HNRNPA2B1: variants seen among roughly 807,000 people sequenced by gnomAD.
The protein encoded by HNRNPA2B1 is heterogeneous nuclear ribonucleoproteins A2/B1.
HNRNPA2B1 carries 3 observed loss-of-function variants against 46.3 expected under a neutral mutation model. The observed-to-expected ratio is 0.06, with a 90% CI of 0.03 to 0.17. The LOEUF (loss-of-function observed/expected upper bound fraction) is 0.17, where lower values mean the gene tolerates loss of function less well. HNRNPA2B1 is among the 10% of genes least tolerant of loss of function. HNRNPA2B1 has a pLI of 1.00. For missense variants in HNRNPA2B1, 221 were observed against 418.9 expected (o/e 0.53, Z 4.12); for synonymous variants, 225 against 133.8 (o/e 1.68, Z -4.70).
At chr7:26,200,373 CG>C (rs1784284776) in intron 1 of HNRNPA2B1, 198 bp downstream of exon 1, 1 of 647,946 alleles carries the variant, frequency 1.5e-6, no homozygotes, top group African/African-American at 1.8e-5. Flanking sequence ...GAAATGGCGC[CG>C]GGAGGCTGAG....
chr7:26,189,969 A>C lies in HNRNPA2B1; in HGVS notation c.*2391T>G, dbSNP rs989511204. ...AGCATTTTATTGGGGACAGCCAATA[A>C]TGTCCACAATGCTCTTCTCATTTAC... is the stretch of plus-strand genomic sequence containing the variant. On this transcript the variant is annotated 3_prime_UTR_variant, in exon 11 of 11. Transcript: ENST00000618183. 6.6e-6 allele frequency: 1 copy of C among 152,244 alleles called. No homozygotes were observed. Among genetic ancestry groups the C allele is most frequent in the South Asian group, 2.1e-4 (1 of 4,834 alleles). The allele number at this position is 152,244 out of a possible 1,614,324, so 9.4% of individuals were successfully genotyped here.
At chr7:26,194,575 C>G (rs1049793191) in intron 7 of HNRNPA2B1, among the ~76,000 whole-genome samples, 1 of 151,544 alleles carries the variant, frequency 6.6e-6, no homozygotes, top group African/African-American at 2.4e-5. Context: ...GGTGGCACAC[C>G]CCGTAGTTCC....
chr7:26,196,013 C>T (rs1412608245), intron 6 of HNRNPA2B1, 104 bp from the exon 7 acceptor site: 3 of 1,428,516 alleles, frequency 2.1e-6, no homozygotes, highest in Non-Finnish European at 2.8e-6. Context: ...AATTAAGAAC[C>T]GCAGAAAAGG....
chr7:26,196,292 C>A, intron 6 of HNRNPA2B1, 109 bp downstream of exon 6: 1 of 877,548 alleles, frequency 1.1e-6, no homozygotes, highest in South Asian at 1.7e-5. Context: ...TATTTGAAGT[C>A]TTAGGAAAAT....
chr7:26,196,778 A>G, intron 4 of HNRNPA2B1, 29 bp downstream of exon 4: 1 of 1,598,674 alleles, frequency 6.3e-7, no homozygotes, highest in Non-Finnish European at 8.6e-7. Flanking sequence ...CACTGGAAAA[A>G]AACAGTACAT....
intron 6 of HNRNPA2B1, among the ~76,000 whole-genome samples, 158 bp from the exon 7 acceptor site, chr7:26,196,067 T>C (rs775542666): frequency 6.6e-5 from 10 of 152,224 alleles, no homozygotes; most frequent in Non-Finnish European, 1.3e-4. Context: ...TGAAAGCATA[T>C]AATTAAATCT....
intron 1 of HNRNPA2B1, chr7:26,198,046 A>C (rs930928834): frequency 6.8e-6 from 3 of 439,476 alleles, no homozygotes; most frequent in African/African-American, 6.2e-5. Flanking sequence ...AAACTTTCTA[A>C]GGAAAAATAA....
intron 6 of HNRNPA2B1, among the ~76,000 whole-genome samples, 164 bp downstream of exon 6, chr7:26,196,237 A>G (rs929198571): frequency 6.6e-6 from 1 of 152,200 alleles, no homozygotes; most frequent in Non-Finnish European, 1.5e-5. Flanking sequence ...CAACTCTATT[A>G]ACTTCTTGTC....
intron 7 of HNRNPA2B1, among the ~76,000 whole-genome samples, chr7:26,194,922 C>T (rs905525015): frequency 7.9e-5 from 12 of 151,464 alleles, no homozygotes; most frequent in African/African-American, 2.2e-4. Flanking sequence ...GGGGAAACCC[C>T]GTCTCTACTA....
Position 26,197,390 on chromosome 7 carries a change from A to G in HNRNPA2B1, c.189T>C (p.Val63=), listed in dbSNP as rs763034724. The G allele has an allele frequency of 5.6e-5, 91 of 1,613,828 alleles. No individual in the cohort carries two copies. The highest frequency in any genetic ancestry group is 7.2e-5 in the Non-Finnish European group (85 of 1,179,854). ...GAGGTCTTGCAGCCATGGCAGCATCAACCTCAGCCATGGATGAAAAAGTTA... is the reference window on the plus strand; with the variant it reads ...GAGGTCTTGCAGCCATGGCAGCATCGACCTCAGCCATGGATGAAAAAGTTA... ...GFVTFSSMAE[V]DAAMAARPHS... The change falls in exon 3 of 11, where the codon GTT becomes GTC. Residue 63 remains valine (V), a synonymous_variant. Transcript: ENST00000618183.
At chr7:26,194,133 T>C (rs531549334) in intron 7 of HNRNPA2B1, among the ~76,000 whole-genome samples, 1 of 152,304 alleles carries the variant, frequency 6.6e-6, no homozygotes, top group South Asian at 2.1e-4. Flanking sequence ...CAGTGGCTCA[T>C]GCCTGTAATC....
At chr7:26,196,766 T>C in intron 4 of HNRNPA2B1, 41 bp downstream of exon 4, 3 of 1,582,630 alleles carry the variant, frequency 1.9e-6, no homozygotes, top group African/African-American at 1.3e-5. Context: ...CAAAATTGAA[T>C]ACACTGGAAA....
Position 26,190,005 on chromosome 7 carries a change from T to C in HNRNPA2B1, c.*2355A>G, listed in dbSNP as rs1315372867. 6.6e-6 allele frequency: 1 copy of C among 152,356 alleles called. No individual in the cohort carries two copies. Among genetic ancestry groups the C allele is most frequent in the Non-Finnish European group, 1.5e-5 (1 of 68,020 alleles). The allele number at this position is 152,356 out of a possible 1,614,324, so 9.4% of individuals were successfully genotyped here. A position where few individuals can be genotyped will look rare whatever the true frequency, so the allele number is the denominator to read the frequency against. ...GCTCTTCTCATTTACCTGTTAATAT[T>C]AAAATATGCATAGCTTTGTGAAACT... On this transcript the variant is annotated 3_prime_UTR_variant, in exon 11 of 11. Transcript: ENST00000618183.
chr7:26,193,107 G>A (rs1783098678), intron 9 of HNRNPA2B1, 144 bp downstream of exon 9: 2 of 750,410 alleles, frequency 2.7e-6, no homozygotes, highest in East Asian at 2.7e-5. Flanking sequence ...GGAGATTTAT[G>A]CAAAATTTCT....
intron 2 of HNRNPA2B1, 77 bp from the exon 3 acceptor site, chr7:26,197,538 T>C: frequency 6.4e-7 from 1 of 1,567,610 alleles, no homozygotes; most frequent in Non-Finnish European, 8.8e-7. Flanking sequence ...AATTTTTTAC[T>C]ATGCTGATAG....
At chr7:26,200,167 A>AG in intron 1 of HNRNPA2B1, 1 of 233,272 alleles carries the variant, frequency 4.3e-6, no homozygotes, top group Non-Finnish European at 8.6e-6. Flanking sequence ...CCCGGGAGAG[A>AG]GGGGGAGGGG....
chr7:26,196,776 A>C, intron 4 of HNRNPA2B1, 31 bp downstream of exon 4: 1 of 1,598,098 alleles, frequency 6.3e-7, no homozygotes, highest in Non-Finnish European at 8.6e-7. Context: ...TACACTGGAA[A>C]AAAACAGTAC....
At chr7:26,195,111 G>A (rs199510411) in intron 7 of HNRNPA2B1, among the ~76,000 whole-genome samples, 1,055 of 95,818 alleles carry the variant, frequency 0.011, 2 homozygotes, top group Middle Eastern at 0.039. Context: ...AAAAAAAAAA[G>A]AAACCATATT....
At chr7:26,200,154 GT>G (rs769384359) in intron 1 of HNRNPA2B1, 31 of 220,062 alleles carry the variant, frequency 1.4e-4, no homozygotes, top group Non-Finnish European at 1.4e-4. Context: ...GCCAAATCCG[GT>G]TCCCGGGAGA....
Sources: allele counts gnomAD v4.1 joint callset (sites outside exome capture counted in the v4.1 genomes callset), GRCh38; gene constraint gnomAD v4.1.1; transcripts MANE v1.5; gene names NCBI Gene and HGNC (gene_info 2026-07-23, HGNC 2026-07-21).